The following RNF14 variants were observed in gnomAD, a reference collection of about 807,000 sequenced individuals.
The protein encoded by RNF14 is ring finger protein 14.
In RNF14, 26 loss-of-function variants were observed where a neutral mutation model predicts 52.6. The ratio of observed to expected loss-of-function variants is 0.49; its 90% CI spans 0.36 to 0.69. The LOEUF is 0.69. Ranked by LOEUF, RNF14 falls within the 30% of genes least tolerant of loss-of-function variation. The pLI, the probability that RNF14 is intolerant of heterozygous loss-of-function variation, is 0.00. For synonymous variants in RNF14, 194 were observed against 202.0 expected (o/e 0.96, Z 0.34); for missense variants, 404 against 560.4 (o/e 0.72, Z 2.82).
chr5:141,958,082 G>C, upstream of RNF14: 2 of 558,916 alleles, frequency 3.6e-6, no homozygotes, highest in Non-Finnish European at 6.3e-6. Context: ...AATTGCCAGG[G>C]GAGACCCCCT....
chr5:141,986,663 C>T (rs1755261307), intron 8 of RNF14, among the ~76,000 whole-genome samples: 1 of 152,136 alleles, frequency 6.6e-6, no homozygotes, highest in Non-Finnish European at 1.5e-5. Context: ...CTTTATTTCT[C>T]ATAAAGAGTT....
chr5:141,973,763 A>G, intron 3 of RNF14, 21 bp downstream of exon 3: 1 of 1,571,802 alleles, frequency 6.4e-7, no homozygotes, highest in Non-Finnish European at 8.6e-7. Flanking sequence ...AATTTCTTAA[A>G]CAGATTTTTC....
intron 2 of RNF14, among the ~76,000 whole-genome samples, chr5:141,971,405 C>G (rs937661429): frequency 6.6e-6 from 1 of 152,048 alleles, no homozygotes; most frequent in African/African-American, 2.4e-5. Flanking sequence ...CCACACCTGG[C>G]TAATTTTTTA....
chr5:141,974,776 T>C, intron 3 of RNF14, 28 bp from the exon 4 acceptor site: 1 of 1,612,346 alleles, frequency 6.2e-7, no homozygotes, highest in Non-Finnish European at 8.5e-7. Flanking sequence ...GACCAACTGA[T>C]CCTTTCTAAT....
In RNF14 at chr5:141,988,044, G is replaced by T; in HGVS notation, c.*254G>T. ...ACTACAGAATATTAAATATTATAATGTGCCCAAAGCTCTGAATAGTTAAAA... is the reference window on the plus strand; with the variant it reads ...ACTACAGAATATTAAATATTATAATTTGCCCAAAGCTCTGAATAGTTAAAA... On this transcript the variant is annotated 3_prime_UTR_variant, in exon 9 of 9. Transcript: ENST00000394520. 2.2e-6 allele frequency: 1 copy of T among 455,020 alleles called. No individual in the cohort carries two copies. The highest frequency in any genetic ancestry group is 3.9e-6 in the Non-Finnish European group (1 of 253,606). The allele number at this position is 455,020 out of a possible 1,614,324, so 28.2% of individuals were successfully genotyped here. A position where few individuals can be genotyped will look rare whatever the true frequency, so the allele number is the denominator to read the frequency against.
At chr5:141,954,891 T>G, upstream of RNF14, 1 of 1,498,554 alleles carries the variant, frequency 6.7e-7, no homozygotes, top group Non-Finnish European at 9.0e-7. Context: ...ACATGAGGAC[T>G]GTGCAGGTTA....
chr5:141,983,127 C>T (rs1360458441), intron 6 of RNF14, among the ~76,000 whole-genome samples: 2 of 151,898 alleles, frequency 1.3e-5, no homozygotes, highest in Non-Finnish European at 2.9e-5. Context: ...TGGGTTGTAG[C>T]GAACCTAATT....
Position 141,984,789 on chromosome 5 carries a change from A to G in RNF14, c.1237-14A>G, listed in dbSNP as rs375234487. 5.0e-6 allele frequency: 8 copies of G among 1,612,906 alleles called. No individual in the cohort carries two copies. In the East Asian group the frequency reaches 1.8e-4, roughly 36 times the overall value. On this transcript the variant is annotated splice_polypyrimidine_tract_variant and intron_variant, in intron 7 of 8. Coordinates refer to ENST00000394520, the MANE Select transcript of RNF14 (RefSeq NM_004290.5). ...ACAGCCTTGATATTTTTCTCTTTCT[A>G]TCCTTCCCACCAGAAATTAGACGGA...
chr5:141,961,316 G>C (rs536590791), intron 1 of RNF14, among the ~76,000 whole-genome samples: 4 of 152,242 alleles, frequency 2.6e-5, no homozygotes, highest in Admixed American at 2.6e-4. Flanking sequence ...TTTATTGTTT[G>C]TTTTATTCAC....
chr5:141,950,505 T>C, the RNF14 span, among the ~76,000 whole-genome samples: 1 of 152,166 alleles, frequency 6.6e-6, no homozygotes, highest in Non-Finnish European at 1.5e-5. Context: ...TCCACACCTG[T>C]AAGGGGTTCT....
At chr5:141,956,847 A>G (rs144339326), upstream of RNF14, 1,666 of 1,614,210 alleles carry the variant, frequency 1.0e-3, 23 homozygotes, top group African/African-American at 0.02. Context: ...GAACTTTGCA[A>G]TGGGCTGGGA....
upstream of RNF14, chr5:141,954,834 A>T: frequency 8.5e-7 from 1 of 1,174,454 alleles, no homozygotes; most frequent in East Asian, 2.4e-5. Context: ...GCCCTGAACC[A>T]TTGCTACCCA....
At chr5:141,973,292 G>T (rs138351051) in intron 2 of RNF14, among the ~76,000 whole-genome samples, 19 of 146,628 alleles carry the variant, frequency 1.3e-4, no homozygotes, top group Non-Finnish European at 2.2e-4. Flanking sequence ...AGGCTGGAGT[G>T]CAGTGGCGTG....
upstream of RNF14, chr5:141,955,444 A>T (rs1431399025): frequency 1.9e-6 from 3 of 1,613,928 alleles, no homozygotes; most frequent in Non-Finnish European, 1.7e-6. This position sits in a 1 kb window ranked among gnomAD's most constrained non-coding sequence, Gnocchi z 5.5. Flanking sequence ...TGCTTCCATC[A>T]TCGCCTCCTT....
At chr5:141,986,767 A>G (rs1413497759) in intron 8 of RNF14, among the ~76,000 whole-genome samples, 1 of 152,254 alleles carries the variant, frequency 6.6e-6, no homozygotes, top group Non-Finnish European at 1.5e-5. Context: ...AGAGGAAGAC[A>G]GGGATTTATG....
At chr5:141,971,606 T>TCTTC (rs1753778174) in intron 2 of RNF14, among the ~76,000 whole-genome samples, 1 of 146,900 alleles carries the variant, frequency 6.8e-6, no homozygotes, top group Non-Finnish European at 1.5e-5. Context: ...TTTCTTTCTT[T>TCTTC]CTTTCCTTTC....
rs1437365996 is a variant in RNF14 at position 141,990,168 on chromosome 5, A to G, written c.*2378A>G. On this transcript the variant is annotated 3_prime_UTR_variant, in exon 9 of 9. Coordinates refer to ENST00000394520, the MANE Select transcript of RNF14 (RefSeq NM_004290.5). ...ATTTTAAGATGTATAGTTTTGGTAG[A>G]GTACTTTTGTCTCAGTAAAATGAAA... 6.6e-6 allele frequency: 1 copy of G among 152,206 alleles called. No homozygotes were observed. Among genetic ancestry groups the G allele is most frequent in the Non-Finnish European group, 1.5e-5 (1 of 68,046 alleles). The allele number at this position is 152,206 out of a possible 1,614,324, so 9.4% of individuals were successfully genotyped here.
chr5:141,980,907 C>T (rs1234168838), intron 6 of RNF14, among the ~76,000 whole-genome samples: 2 of 152,176 alleles, frequency 1.3e-5, no homozygotes, highest in African/African-American at 4.8e-5. Context: ...AATGCTTTCT[C>T]CTTGAGCCCA....
At chr5:141,971,720 C>T (rs1305931292) in intron 2 of RNF14, among the ~76,000 whole-genome samples, 1 of 147,598 alleles carries the variant, frequency 6.8e-6, no homozygotes. Context: ...CAGCTCACTG[C>T]AACCTCTGCC....
Sources: allele counts gnomAD v4.1 joint callset (sites outside exome capture counted in the v4.1 genomes callset), GRCh38; gene constraint gnomAD v4.1.1; non-coding constraint Gnocchi (gnomAD v3.1); transcripts MANE v1.5; gene names NCBI Gene and HGNC (gene_info 2026-07-23, HGNC 2026-07-21).